Variants in TAP1 observed in about 807,000 individuals in gnomAD.
TAP1 encodes the protein transporter 1, ATP binding cassette subfamily B member, also known as antigen peptide transporter 1.
A neutral mutation model predicts 79.3 loss-of-function variants in TAP1; 56 were observed. That is an observed-to-expected ratio of 0.71 (90% confidence interval 0.57 to 0.88). The LOEUF (loss-of-function observed/expected upper bound fraction) is 0.88, where lower values mean the gene tolerates loss of function less well. Ranked by LOEUF, TAP1 falls within the 40% of genes least tolerant of loss-of-function variation. The pLI, the probability that TAP1 is intolerant of heterozygous loss-of-function variation, is 0.00. For synonymous variants in TAP1, 355 were observed against 401.4 expected, an observed-to-expected ratio of 0.88 and a Z score of 1.38; for missense variants, 737 against 936.3, an observed-to-expected ratio of 0.79 and a Z score of 2.78.
chr6:32,849,646 G>C, intron 5 of TAP1: 1 of 182,922 alleles, frequency 5.5e-6, no homozygotes, highest in Non-Finnish European at 1.2e-5. Context: ...AGCTACTCAG[G>C]AGGCTGAGGC....
Position 32,849,049 on chromosome 6 carries a change from T to C in TAP1, c.1318A>G (p.Ser440Gly). 1.2e-6 allele frequency: 2 copies of C among 1,605,102 alleles called. No homozygotes were observed. Among genetic ancestry groups the C allele is most frequent in the Non-Finnish European group, 1.7e-6 (2 of 1,176,710 alleles). Reference sequence around the variant, plus strand: ...ACAAATGTGACAAGGTTCCCACTGCTTACAGCCCCACTGGTCACCAGCTGC... The same window carrying C: ...ACAAATGTGACAAGGTTCCCACTGCCTACAGCCCCACTGGTCACCAGCTGC... ...GGQLVTSGAV[S>G]SGNLVTFVLY... is the part of the protein sequence containing the mutation. Residue 440 changes from serine to glycine, a missense_variant, in exon 6 of 11, where the codon AGC (serine) becomes GGC (glycine). Ser to Gly is a moderately conservative substitution (Grantham distance 56). Coordinates refer to ENST00000354258, the MANE Select transcript of TAP1 (RefSeq NM_000593.6).
rs1770793049 is a variant in TAP1, at chr6:32,851,827, T to C, written c.844+282A>G. Among the ~76,000 whole-genome samples, 1 of 152,172 alleles carries C rather than the reference T, an allele frequency of 6.6e-6. No homozygotes were observed. The highest frequency in any genetic ancestry group is 2.1e-4 in the South Asian group (1 of 4,828). ...TAGGAATAGATTTATAAGAAAATGC[T>C]AGATGAAAACTCTAGGTTTTTCTTA... On this transcript the variant is annotated intron_variant, in intron 3 of 10. Transcript: ENST00000354258. The surrounding 1 kb of genome is among the most constrained non-coding windows in gnomAD (Gnocchi z 4.8).
rs1770297873 is a variant in TAP1, at chr6:32,845,424, T to G, written c.*155A>C. 2.7e-6 allele frequency: 2 copies of G among 749,840 alleles called. No individual in the cohort carries two copies. The highest frequency in any genetic ancestry group is 1.7e-5 in the African/African-American group (1 of 57,184). 46.4% of individuals were successfully genotyped at this position (749,840 alleles called of 1,614,324 possible). A position where few individuals can be genotyped will look rare whatever the true frequency, so the allele number is the denominator to read the frequency against. ...TCCTGTGTTTGTACTCCAGGAAGTC[T>G]GCATTATCACGAGGAGCTTGGAAAG... is the stretch of plus-strand genomic sequence containing the variant. On this transcript the variant is annotated 3_prime_UTR_variant, in exon 11 of 11. Coordinates refer to ENST00000354258, the MANE Select transcript of TAP1 (RefSeq NM_000593.6). This position sits in a 1 kb window ranked among gnomAD's most constrained non-coding sequence, Gnocchi z 4.5.
chr6:32,846,589 G>C lies in TAP1; in HGVS notation c.2040+479C>G, dbSNP rs558415464. The C allele has an allele frequency of 1.9e-3, 524 of 277,022 alleles. 6 individuals carry two copies. The highest frequency in any genetic ancestry group is 8.6e-3 in the South Asian group (232 of 27,134). The allele number at this position is 277,022 out of a possible 1,614,324, so 17.2% of individuals were successfully genotyped here. ...AACCCCAGCCCTTTGGGAGGCTGAG[G>C]GGGGCAGATTACCTGAGCTCAGGAA... On this transcript the variant is annotated intron_variant, in intron 10 of 10. Transcript: ENST00000354258.
Position 32,845,848 on chromosome 6 carries a change from T to C in TAP1, c.2041-63A>G. ...CCCTCAGCCCAGGGAGACACCTGTG[T>C]TTCCAGGGCTGGGACTGACCTCACA... On this transcript the variant is annotated intron_variant, in intron 10 of 10. Coordinates refer to ENST00000354258, the MANE Select transcript of TAP1 (RefSeq NM_000593.6). The surrounding 1 kb of genome is among the most constrained non-coding windows in gnomAD (Gnocchi z 4.5). The C allele has an allele frequency of 6.9e-7, 1 of 1,439,432 alleles. No homozygotes were observed. The highest frequency in any genetic ancestry group is 9.6e-7 in the Non-Finnish European group (1 of 1,044,534). The allele number at this position is 1,439,432 out of a possible 1,614,324, so 89.2% of individuals were successfully genotyped here. A position where few individuals can be genotyped will look rare whatever the true frequency, so the allele number is the denominator to read the frequency against.
At position 32,847,884 on chromosome 6, in the gene TAP1, C is replaced by T. The variant is rs772792297; in HGVS notation, c.1740+35G>A. ...GTAAGAATGCTCTTCGTATTTGATG[C>T]TCCCTGCCCTCCTTCAAGCCACCTG... is the stretch of plus-strand genomic sequence containing the variant. On this transcript the variant is annotated intron_variant, in intron 8 of 10. Coordinates refer to ENST00000354258, the MANE Select transcript of TAP1 (RefSeq NM_000593.6). The surrounding 1 kb of genome is among the most constrained non-coding windows in gnomAD (Gnocchi z 4.7). 9.3e-6 allele frequency: 15 copies of T among 1,612,838 alleles called. No homozygotes were observed. The highest frequency in any genetic ancestry group is 1.3e-5 in the Non-Finnish European group (15 of 1,179,898).
rs762614893 is a variant in TAP1 at position 32,850,316 on chromosome 6, T to C, written c.1248+4A>G. The C allele has an allele frequency of 1.3e-5, 21 of 1,614,194 alleles. No individual in the cohort carries two copies. Among genetic ancestry groups the C allele is most frequent in the Non-Finnish European group, 1.8e-5 (21 of 1,179,984 alleles). ...GGAATGGGTATTCATCTTCAGGTGC[T>C]CACACTAGTGGTCCAGGAGTTGACT... is the stretch of plus-strand genomic sequence containing the variant. On this transcript the variant is annotated splice_donor_region_variant and intron_variant, in intron 5 of 10. Coordinates refer to ENST00000354258, the MANE Select transcript of TAP1 (RefSeq NM_000593.6). This position sits in a 1 kb window ranked among gnomAD's most constrained non-coding sequence, Gnocchi z 5.5.
At position 32,848,650 on chromosome 6, in the gene TAP1, A is replaced by G; in HGVS notation, c.1566+2T>C. On this transcript the variant is annotated splice_donor_variant, in intron 7 of 10. Coordinates refer to ENST00000354258, the MANE Select transcript of TAP1 (RefSeq NM_000593.6). LOFTEE classifies it high-confidence loss of function. ...TGGAATACAGGGAGTGGTAGGTTGT[A>G]CCTGTAGCACTAAGACATCTGGGCG... is the stretch of plus-strand genomic sequence containing the variant. 6.2e-7 allele frequency: 1 copy of G among 1,613,846 alleles called. No homozygotes were observed. The highest frequency in any genetic ancestry group is 8.5e-7 in the Non-Finnish European group (1 of 1,179,980).
Position 32,849,079 on chromosome 6 carries a change from C to T in TAP1, c.1288G>A (p.Gly430Ser). 6.3e-7 allele frequency: 1 copy of T among 1,594,942 alleles called. No homozygotes were observed. Among genetic ancestry groups the T allele is most frequent in the Non-Finnish European group, 8.5e-7 (1 of 1,171,448 alleles). ...GCCCCACTGGTCACCAGCTGCCCAC[C>T]AATGTAGAGGATTCCCACTTTCAGC... is the stretch of plus-strand genomic sequence containing the variant. ...MLLKVGILYIGGQLVTSGAVS... is the reference protein window; with the variant it reads ...MLLKVGILYISGQLVTSGAVS... The change falls in exon 6 of 11, where the codon GGT becomes AGT. Residue 430 changes from glycine (G) to serine (S), a missense_variant. By Grantham distance (56) the Gly-to-Ser change is moderately conservative (BLOSUM62 0). This residue lies in a region of TAP1 where 406 missense variants were observed against 477.2 expected (regional missense o/e 0.85). Transcript: ENST00000354258.
In TAP1 at chr6:32,853,144, C is replaced by T. The variant is rs1194871951; in HGVS notation, c.493G>A (p.Gly165Ser). Residue 165 changes from glycine to serine, a missense_variant, in exon 1 of 11, where the codon GGT becomes AGT. Gly to Ser is a moderately conservative substitution (Grantham distance 56). Around this residue, in one of 5 missense-constraint regions of TAP1, gnomAD observed 406 missense variants for 477.2 expected, o/e 0.85. Transcript: ENST00000354258. The surrounding 1 kb of genome is among the most constrained non-coding windows in gnomAD (Gnocchi z 8.3). ...ACAGGGTTTCCAGAGCCGCCCTGAC[C>T]GCCGGGCACCCAGAGGCTCCCGAGT... Reference protein sequence around the residue: ...HKLGSLWVPGGQGGSGNPVRR... With the variant: ...HKLGSLWVPGSQGGSGNPVRR... 5 of 1,612,574 alleles carry T rather than the reference C, an allele frequency of 3.1e-6. No individual in the cohort carries two copies. The South Asian group carries it at 4.4e-5, about 14-fold the overall frequency.
chr6:32,847,054 G>T lies in TAP1; in HGVS notation c.2040+14C>A. The T allele has an allele frequency of 6.2e-7, 1 of 1,612,094 alleles. No individual in the cohort carries two copies. Among genetic ancestry groups the T allele is most frequent in the South Asian group, 1.1e-5 (1 of 91,092 alleles). On this transcript the variant is annotated intron_variant, in intron 10 of 10. Coordinates refer to ENST00000354258, the MANE Select transcript of TAP1 (RefSeq NM_000593.6). The surrounding 1 kb of genome is among the most constrained non-coding windows in gnomAD (Gnocchi z 4.7). The stretch of plus-strand genomic sequence containing the variant: ...TTGGGTGGGATATAGCCATTAAGAA[G>T]ATGACTGCCTCACCTGTAACTGGCT...
rs1770940098 is a variant in TAP1, at chr6:32,853,471, G to A, written c.166C>T (p.Arg56Trp). The A allele has an allele frequency of 6.2e-7, 1 of 1,610,358 alleles. No homozygotes were observed. Among genetic ancestry groups the A allele is most frequent in the African/African-American group, 1.3e-5 (1 of 74,878 alleles). Residue 56 changes from arginine (R) to tryptophan (W), a missense_variant, in exon 1 of 11, where the codon CGG becomes TGG. By Grantham distance (101) the Arg-to-Trp change is moderately radical (BLOSUM62 -3). Transcript: ENST00000354258. The surrounding 1 kb of genome is among the most constrained non-coding windows in gnomAD (Gnocchi z 8.3). ...LLVPTALPLL[R>W]VWAVGLSRWA... is the part of the protein sequence containing the mutation. ...CGGCTCAGGCCCACCGCCCAGACCC[G>A]GAGCAGTGGCAGCGCGGTGGGCACC...
At chr6:32,848,369 A>G in intron 7 of TAP1, 1 of 618,974 alleles carries the variant, frequency 1.6e-6, no homozygotes, top group Non-Finnish European at 2.8e-6. Flanking sequence ...CCAAATTACA[A>G]AGGAAAAGGA....
chr6:32,848,289 G>C, intron 7 of TAP1, 197 bp from the exon 8 acceptor site: 2 of 706,072 alleles, frequency 2.8e-6, no homozygotes, highest in Non-Finnish European at 4.8e-6. Flanking sequence ...CAAAGACAAG[G>C]GCAGAGACCC....
Position 32,850,838 on chromosome 6 carries a change from G to C in TAP1, c.1050+106C>G, listed in dbSNP as rs764708755. 9.1e-7 allele frequency: 1 copy of C among 1,094,674 alleles called. No homozygotes were observed. The highest frequency in any genetic ancestry group is 1.4e-6 in the Non-Finnish European group (1 of 711,322). The allele number at this position is 1,094,674 out of a possible 1,614,324, so 67.8% of individuals were successfully genotyped here. A position where few individuals can be genotyped will look rare whatever the true frequency, so the allele number is the denominator to read the frequency against. Reference sequence around the variant, plus strand: ...GGTGTTCCATGAAGATGGAGAATCAGTAAGGGTGCCAGGAAAGCTGGACTG... The same window carrying C: ...GGTGTTCCATGAAGATGGAGAATCACTAAGGGTGCCAGGAAAGCTGGACTG... On this transcript the variant is annotated intron_variant, in intron 4 of 10. Coordinates refer to ENST00000354258, the MANE Select transcript of TAP1 (RefSeq NM_000593.6). This position sits in a 1 kb window ranked among gnomAD's most constrained non-coding sequence, Gnocchi z 5.5.
rs749211652 is a variant in TAP1, at chr6:32,850,401, C to T, written c.1167G>A (p.Lys389=). ...TTATTTCTTGCAGCTTTTCCCTAAA[C>T]TTCTGGGCTTCGCCCTCCTCGTTGG... ...SFANEEGEAQ[K]FREKLQEIKT... Residue 389 remains lysine (K), a synonymous_variant, in exon 5 of 11, where the codon AAG becomes AAA. Coordinates refer to ENST00000354258, the MANE Select transcript of TAP1 (RefSeq NM_000593.6). This position sits in a 1 kb window ranked among gnomAD's most constrained non-coding sequence, Gnocchi z 5.5. 2.5e-6 allele frequency: 4 copies of T among 1,614,274 alleles called. No individual in the cohort carries two copies. The highest frequency in any genetic ancestry group is 2.2e-5 in the East Asian group (1 of 44,890).
chr6:32,853,655 C>A lies in TAP1; in HGVS notation c.-19G>T. 1 of 1,601,568 alleles carries A rather than the reference C, an allele frequency of 6.2e-7. No individual in the cohort carries two copies. Among genetic ancestry groups the A allele is most frequent in the Non-Finnish European group, 8.5e-7 (1 of 1,175,870 alleles). On this transcript the variant is annotated 5_prime_UTR_variant, in exon 1 of 11. Transcript: ENST00000354258. This position sits in a 1 kb window ranked among gnomAD's most constrained non-coding sequence, Gnocchi z 8.3. The stretch of plus-strand genomic sequence containing the variant: ...TAGCCATTGGCACTCGGACGCCGTC[C>A]CGGTCCCGGCCGGGCCTGGGACTCT...
At position 32,853,437 on chromosome 6, in the gene TAP1, A is replaced by G. The variant is rs372751092; in HGVS notation, c.200T>C (p.Val67Ala). 6.2e-7 allele frequency: 1 copy of G among 1,612,028 alleles called. No homozygotes were observed. Among genetic ancestry groups the G allele is most frequent in the Non-Finnish European group, 8.5e-7 (1 of 1,179,610 alleles). The change falls in exon 1 of 11, where the codon GTG becomes GCG. Residue 67 changes from valine (V) to alanine (A), a missense_variant. Transcript: ENST00000354258. This position sits in a 1 kb window ranked among gnomAD's most constrained non-coding sequence, Gnocchi z 8.3. ...VWAVGLSRWA[V>A]LWLGACGVLR... ...GACCCCGCAGGCCCCCAGCCAGAGC[A>G]CGGCCCAGCGGCTCAGGCCCACCGC...
In TAP1 at chr6:32,845,712, A is replaced by G. The variant is rs947452949; in HGVS notation, c.2114T>C (p.Leu705Pro). 3 of 1,613,024 alleles carry G rather than the reference A, an allele frequency of 1.9e-6. No homozygotes were observed. The highest frequency in any genetic ancestry group is 2.5e-6 in the Non-Finnish European group (3 of 1,180,016). Residue 705 changes from leucine to proline, a missense_variant, in exon 11 of 11, where the codon CTG becomes CCG. By Grantham distance (98) the Leu-to-Pro change is moderately conservative (BLOSUM62 -3). Transcript: ENST00000354258. This position sits in a 1 kb window ranked among gnomAD's most constrained non-coding sequence, Gnocchi z 4.5. The stretch of plus-strand genomic sequence containing the variant: ...GAGGATGTGGTCAGCCTGCTCCACC[A>G]GGCTGAGGTGCTGGGTGATGAGAAG... Reference protein sequence around the residue: ...SVLLITQHLSLVEQADHILFL... With the variant: ...SVLLITQHLSPVEQADHILFL...
Sources: allele counts gnomAD v4.1 joint callset (sites outside exome capture counted in the v4.1 genomes callset), GRCh38; gene constraint gnomAD v4.1.1; regional missense constraint gnomAD v4.1.1; non-coding constraint Gnocchi (gnomAD v3.1); transcripts MANE v1.5; gene names NCBI Gene and HGNC (gene_info 2026-07-23, HGNC 2026-07-21).